NCK2: variants seen among roughly 807,000 people sequenced by gnomAD.
The protein encoded by NCK2 is NCK adaptor protein 2, also known as cytoplasmic protein NCK2.
A neutral mutation model predicts 33.9 loss-of-function variants in NCK2; 16 were observed. The observed-to-expected ratio is 0.47, with a 90% CI of 0.32 to 0.72. The LOEUF (loss-of-function observed/expected upper bound fraction) is 0.72. NCK2 is among the 30% of genes least tolerant of loss of function. The pLI, the probability that NCK2 is intolerant of heterozygous loss-of-function variation, is 0.03. For synonymous variants in NCK2, 273 were observed against 239.9 expected (o/e 1.14, Z -1.27); for missense variants, 418 against 537.3 (o/e 0.78, Z 2.19).
Position 105,836,479 on chromosome 2 carries a change from G to A in NCK2, c.-16-18569G>A, listed in dbSNP as rs1328434228. Among the ~76,000 whole-genome samples the A allele has an allele frequency of 1.5e-4, 23 of 152,172 alleles. 1 individual carries two copies. Among genetic ancestry groups the A allele is most frequent in the Admixed American group, 1.5e-3 (23 of 15,284 alleles). On this transcript the variant is annotated intron_variant, in intron 2 of 4. Transcript: ENST00000233154. ...TACTGAAAACAAGGACAGTGGGTGGGCTGGTTTTCAGGCCTCCAGGCTGCG... is the reference window on the plus strand; with the variant it reads ...TACTGAAAACAAGGACAGTGGGTGGACTGGTTTTCAGGCCTCCAGGCTGCG...
At chr2:105,788,716 A>G (rs1690767999) in intron 1 of NCK2, among the ~76,000 whole-genome samples, 1 of 152,130 alleles carries the variant, frequency 6.6e-6, no homozygotes, top group South Asian at 2.1e-4. Flanking sequence ...CTTTATCCAT[A>G]GAATGCATAA....
At chr2:105,828,506 A>G (rs1359330283) in intron 2 of NCK2, among the ~76,000 whole-genome samples, 6 of 152,230 alleles carry the variant, frequency 3.9e-5, no homozygotes, top group Non-Finnish European at 8.8e-5. Flanking sequence ...GAATTTAAGC[A>G]TGTGATAGGT....
At chr2:105,774,731 A>G (rs531886384) in intron 1 of NCK2, among the ~76,000 whole-genome samples, 17 of 152,248 alleles carry the variant, frequency 1.1e-4, no homozygotes, top group African/African-American at 3.8e-4. Flanking sequence ...TGTGTTCCAC[A>G]AGTACACTCA....
At chr2:105,890,868 A>C (rs1420385595) in intron 4 of NCK2, among the ~76,000 whole-genome samples, 3 of 152,258 alleles carry the variant, frequency 2.0e-5, no homozygotes, top group African/African-American at 7.2e-5. Flanking sequence ...ACAATGGCCT[A>C]GTCCTTTGTT....
intron 3 of NCK2, among the ~76,000 whole-genome samples, chr2:105,870,838 C>T (rs530937614): frequency 5.0e-4 from 76 of 152,116 alleles, no homozygotes; most frequent in African/African-American, 1.7e-3. Flanking sequence ...AATAATGTAC[C>T]ACAGAGCCAC....
At chr2:105,780,323 TATAC>T (rs1301267029) in intron 1 of NCK2, among the ~76,000 whole-genome samples, 76 of 102,734 alleles carry the variant, frequency 7.4e-4, no homozygotes, top group African/African-American at 3.7e-3. Context: ...GAGAGAGATA[TATAC>T]ACACACACAC....
At chr2:105,834,817 GAT>G (rs1558861475) in intron 2 of NCK2, among the ~76,000 whole-genome samples, 4 of 152,000 alleles carry the variant, frequency 2.6e-5, no homozygotes, top group African/African-American at 9.6e-5. Flanking sequence ...CCTACAGGTA[GAT>G]GTGTGCTACC....
chr2:105,744,696 G>T (rs1417777081), upstream of NCK2, among the ~76,000 whole-genome samples: 1 of 151,514 alleles, frequency 6.6e-6, no homozygotes, highest in Non-Finnish European at 1.5e-5. Flanking sequence ...ACCGGGACCC[G>T]GGCGCGGAGC....
chr2:105,820,791 A>C (rs1675698326), intron 2 of NCK2, among the ~76,000 whole-genome samples: 2 of 152,172 alleles, frequency 1.3e-5, no homozygotes, highest in Non-Finnish European at 2.9e-5. Flanking sequence ...AAGCTTTTGG[A>C]GGCTTTTTCA....
At chr2:105,880,003 TTGTGTGGGG>T (rs1401667767) in intron 3 of NCK2, among the ~76,000 whole-genome samples, 1 of 152,208 alleles carries the variant, frequency 6.6e-6, no homozygotes, top group East Asian at 1.9e-4. Context: ...GCCAGTCTGC[TTGTGTGGGG>T]TGTGTCCCCA....
chr2:105,892,850 A>G lies in NCK2; in HGVS notation c.949-132A>G, dbSNP rs1247392237. On this transcript the variant is annotated intron_variant, in intron 4 of 4. Coordinates refer to ENST00000233154, the MANE Select transcript of NCK2 (RefSeq NM_003581.5). ...AAAAGAGTGAAACTCCATCTCAAAAAAAAAAAAAAAAGCAGAGACCCAGTG... is the reference window on the plus strand; with the variant it reads ...AAAAGAGTGAAACTCCATCTCAAAAGAAAAAAAAAAAGCAGAGACCCAGTG... 4 of 701,696 alleles carry G rather than the reference A, an allele frequency of 5.7e-6. No individual in the cohort carries two copies. In the East Asian group the frequency reaches 8.3e-5, roughly 15 times the overall value. 43.5% of individuals were successfully genotyped at this position (701,696 alleles called of 1,614,324 possible).
At chr2:105,844,434 T>C (rs1558866164) in intron 2 of NCK2, among the ~76,000 whole-genome samples, 1 of 151,932 alleles carries the variant, frequency 6.6e-6, no homozygotes, top group Non-Finnish European at 1.5e-5. Flanking sequence ...GTCTAAAAAA[T>C]ATTTTTGGGC....
At chr2:105,842,807 G>A (rs991202521) in intron 2 of NCK2, among the ~76,000 whole-genome samples, 3 of 152,104 alleles carry the variant, frequency 2.0e-5, no homozygotes, top group Non-Finnish European at 4.4e-5. Flanking sequence ...GCCCGTGGCA[G>A]GAGAGGGCGG....
At chr2:105,792,703 C>T (rs1216133277) in intron 1 of NCK2, among the ~76,000 whole-genome samples, 1 of 152,080 alleles carries the variant, frequency 6.6e-6, no homozygotes, top group Non-Finnish European at 1.5e-5. Context: ...TGACTAGGAC[C>T]CTGAACTTCC....
intron 1 of NCK2, among the ~76,000 whole-genome samples, chr2:105,788,901 G>C (rs566137130): frequency 3.3e-5 from 5 of 152,192 alleles, no homozygotes; most frequent in African/African-American, 1.2e-4. Flanking sequence ...TTATCTGCTC[G>C]TTTGGGTTTC....
At chr2:105,783,419 G>A (rs1264896801) in intron 1 of NCK2, among the ~76,000 whole-genome samples, 1 of 152,112 alleles carries the variant, frequency 6.6e-6, no homozygotes, top group Non-Finnish European at 1.5e-5. Context: ...AGGCCCGCGT[G>A]GAACATGGTT....
intron 1 of NCK2, among the ~76,000 whole-genome samples, chr2:105,770,183 G>A (rs10177819): frequency 0.48 from 72,321 of 150,930 alleles, 18,311 homozygotes; most frequent in African/African-American, 0.64. Context: ...TGGTGCTGTG[G>A]ACATGGGGTG....
chr2:105,762,036 G>A (rs1204170676), intron 1 of NCK2, among the ~76,000 whole-genome samples: 1 of 152,180 alleles, frequency 6.6e-6, no homozygotes, highest in Non-Finnish European at 1.5e-5. Context: ...GACTACAGTT[G>A]CAAGTGTGGG....
chr2:105,874,968 T>C (rs1678174446), intron 3 of NCK2, among the ~76,000 whole-genome samples: 1 of 152,244 alleles, frequency 6.6e-6, no homozygotes, highest in East Asian at 1.9e-4. Context: ...CCAAGTCAGC[T>C]ATTTGCCACT....
Sources: allele counts gnomAD v4.1 joint callset (sites outside exome capture counted in the v4.1 genomes callset), GRCh38; gene constraint gnomAD v4.1.1; transcripts MANE v1.5; gene names NCBI Gene and HGNC (gene_info 2026-07-23, HGNC 2026-07-21).